The following URB1 variants were observed in gnomAD, a reference collection of about 807,000 sequenced individuals.
The protein encoded by URB1 is nucleolar pre-ribosomal-associated protein 1.
URB1 carries 197 observed loss-of-function variants against 242.3 expected under a neutral mutation model. The observed-to-expected ratio is 0.81, with a 90% confidence interval of 0.72 to 0.91. The LOEUF (loss-of-function observed/expected upper bound fraction) is 0.91. Among genes scored for constraint, URB1 ranks in the 40% least tolerant of loss-of-function variants. The probability of loss-of-function intolerance (pLI) is 0.00; values close to 1 mark genes in which losing one functional copy is unlikely to be tolerated. For synonymous variants in URB1, 1,153 were observed against 1,201.8 expected (o/e 0.96, Z 0.84); for missense variants, 2,721 against 2,860.5 (o/e 0.95, Z 1.11).
At chr21:32,374,101 T>C (rs372832315) in intron 6 of URB1, among the ~76,000 whole-genome samples, 75 of 152,348 alleles carry the variant, frequency 4.9e-4, no homozygotes, top group African/African-American at 1.7e-3. Context: ...TTCCACGTCA[T>C]TAAACATCCC....
intron 1 of URB1, among the ~76,000 whole-genome samples, chr21:32,388,238 A>G (rs1017851831): frequency 1.3e-5 from 2 of 152,148 alleles, no homozygotes; most frequent in African/African-American, 4.8e-5. Context: ...TGGGTACCTC[A>G]CCTGTATAAC....
At chr21:32,323,495 G>A (rs1235035434) in intron 32 of URB1, among the ~76,000 whole-genome samples, 2 of 152,202 alleles carry the variant, frequency 1.3e-5, no homozygotes, top group African/African-American at 4.8e-5. Context: ...CCCCATTCCT[G>A]TAACAAAAAG....
chr21:32,378,413 G>C, intron 5 of URB1, 32 bp downstream of exon 5: 1 of 1,535,910 alleles, frequency 6.5e-7, no homozygotes, highest in African/African-American at 1.4e-5. Flanking sequence ...AAAACAAATG[G>C]GCTTTCCTAA....
chr21:32,384,486 G>C (rs141419971), intron 2 of URB1, 22 bp from the exon 3 acceptor site: 2 of 1,545,300 alleles, frequency 1.3e-6, no homozygotes, highest in Non-Finnish European at 8.8e-7. Context: ...GAATTGAAAC[G>C]CTTAGAAATC....
At chr21:32,375,903 G>A (rs1349922196) in intron 5 of URB1, among the ~76,000 whole-genome samples, 1 of 152,088 alleles carries the variant, frequency 6.6e-6, no homozygotes, top group Non-Finnish European at 1.5e-5. Flanking sequence ...GTTGCAGTAA[G>A]CCATGATCGC....
At chr21:32,324,672 G>T in intron 31 of URB1, 70 bp from the exon 32 acceptor site, 1 of 1,222,542 alleles carries the variant, frequency 8.2e-7, no homozygotes, top group Non-Finnish European at 1.2e-6. Context: ...CCTCTCTGGT[G>T]CAGCCGAACC....
At chr21:32,337,541 T>C (rs888785394) in intron 26 of URB1, 27 bp from the exon 27 acceptor site, 4 of 1,538,238 alleles carry the variant, frequency 2.6e-6, no homozygotes, top group East Asian at 2.4e-5. Flanking sequence ...CTGAAACACA[T>C]GGCATGGTGG....
At chr21:32,350,435 G>A (rs761903206) in intron 20 of URB1, among the ~76,000 whole-genome samples, 67 of 152,190 alleles carry the variant, frequency 4.4e-4, no homozygotes, top group Non-Finnish European at 7.2e-4. Flanking sequence ...ACAAAGGCCC[G>A]GCAGGGCTGC....
intron 18 of URB1, 90 bp downstream of exon 18, chr21:32,353,843 T>C (rs1185317897): frequency 1.2e-5 from 17 of 1,422,974 alleles, no homozygotes; most frequent in South Asian, 1.5e-5. Flanking sequence ...TTCTCAGCAA[T>C]TGATCCCAGA....
intron 22 of URB1, among the ~76,000 whole-genome samples, chr21:32,345,823 C>A (rs1209849620): frequency 1.3e-5 from 2 of 152,140 alleles, no homozygotes; most frequent in Non-Finnish European, 2.9e-5. Context: ...ACACAGGGGG[C>A]CCTGGCTATA....
rs1404113111 is a variant in URB1, at chr21:32,385,631, C to T, written c.196G>A (p.Asp66Asn). ...AKKLPREDVY[D>N]VVEGYIKISV... ...ATCTTTATATACCCTTCCACAACAT[C>T]ATACACATCTTCTCGTGGTAGCTTC... is the stretch of plus-strand genomic sequence containing the variant. Residue 66 changes from aspartate to asparagine, a missense_variant, in exon 2 of 39, where the codon GAT becomes AAT. Physicochemically the swap from Asp to Asn is conservative, Grantham distance 23. Transcript: ENST00000382751. 6.4e-7 allele frequency: 1 copy of T among 1,551,790 alleles called. No homozygotes were observed. The highest frequency in any genetic ancestry group is 1.4e-5 in the African/African-American group (1 of 73,138).
chr21:32,369,951 G>A (rs1412630458), intron 8 of URB1, among the ~76,000 whole-genome samples: 2 of 123,894 alleles, frequency 1.6e-5, no homozygotes, highest in Admixed American at 2.1e-4. Context: ...CTTCCATCCT[G>A]AACAACAGAG....
At chr21:32,359,279 G>A (rs888909185) in intron 14 of URB1, among the ~76,000 whole-genome samples, 17 of 151,990 alleles carry the variant, frequency 1.1e-4, no homozygotes, top group Non-Finnish European at 2.2e-4. Context: ...ATAAATATAT[G>A]TGGCATCCTG....
rs901189012 is a variant in URB1 at position 32,338,912 on chromosome 21, G to C, written c.4317-12C>G. Reference sequence around the variant, plus strand: ...CCTGGTACCGAAATCTAGGCGGCGAGAGTCAAAGGGAAAAGAGCTTTGCTA... The same window carrying C: ...CCTGGTACCGAAATCTAGGCGGCGACAGTCAAAGGGAAAAGAGCTTTGCTA... On this transcript the variant is annotated splice_polypyrimidine_tract_variant and intron_variant, in intron 25 of 38. Coordinates refer to ENST00000382751, the MANE Select transcript of URB1 (RefSeq NM_014825.3). 2.6e-6 allele frequency: 4 copies of C among 1,521,618 alleles called. No homozygotes were observed. The highest frequency in any genetic ancestry group is 3.5e-6 in the Non-Finnish European group (4 of 1,127,816). The allele number at this position is 1,521,618 out of a possible 1,614,324, so 94.3% of individuals were successfully genotyped here. A position where few individuals can be genotyped will look rare whatever the true frequency, so the allele number is the denominator to read the frequency against.
In URB1 at chr21:32,372,255, T is replaced by G. The variant is rs369263698; in HGVS notation, c.1001+252A>C. Among the ~76,000 whole-genome samples the G allele has an allele frequency of 9.8e-5, 15 of 152,324 alleles. No individual in the cohort carries two copies. In the East Asian group the frequency reaches 2.3e-3, roughly 24 times the overall value. Reference sequence around the variant, plus strand: ...GACGAACACTGTCTTTAGGTAAACATCCGCAGCACCTCCCTGGGTGAAATA... The same window carrying G: ...GACGAACACTGTCTTTAGGTAAACAGCCGCAGCACCTCCCTGGGTGAAATA... On this transcript the variant is annotated intron_variant, in intron 8 of 38. Coordinates refer to ENST00000382751, the MANE Select transcript of URB1 (RefSeq NM_014825.3).
chr21:32,357,844 A>T (rs558714047), intron 14 of URB1, among the ~76,000 whole-genome samples, 188 bp from the exon 15 acceptor site: 1 of 152,198 alleles, frequency 6.6e-6, no homozygotes, highest in Non-Finnish European at 1.5e-5. Context: ...CCTGGCCAAC[A>T]TGGCGAAACC....
Position 32,312,018 on chromosome 21 carries a change from G to A in URB1, c.*2900C>T. Reference sequence around the variant, plus strand: ...CTGATGTCAGTAAATCGTGGCCATAGCTGAGTGAACTGGTGAAATCAAGCC... The same window carrying A: ...CTGATGTCAGTAAATCGTGGCCATAACTGAGTGAACTGGTGAAATCAAGCC... On this transcript the variant is annotated 3_prime_UTR_variant, in exon 39 of 39. Transcript: ENST00000382751. 1 of 1,612,640 alleles carries A rather than the reference G, an allele frequency of 6.2e-7. No individual in the cohort carries two copies. Among genetic ancestry groups the A allele is most frequent in the Non-Finnish European group, 8.5e-7 (1 of 1,180,020 alleles).
rs569557125 is a variant in URB1, at chr21:32,313,387, C to T, written c.*1531G>A. ...AGATTAAGGGGAACCAGGAAGAGAACGCTTTGTTGGAGCAGCGCTTGCCTG... is the reference window on the plus strand; with the variant it reads ...AGATTAAGGGGAACCAGGAAGAGAATGCTTTGTTGGAGCAGCGCTTGCCTG... On this transcript the variant is annotated 3_prime_UTR_variant, in exon 39 of 39. Transcript: ENST00000382751. 5 of 152,344 alleles carry T rather than the reference C, an allele frequency of 3.3e-5. No individual in the cohort carries two copies. In the East Asian group the frequency reaches 5.8e-4, roughly 18 times the overall value. The allele number at this position is 152,344 out of a possible 1,614,324, so 9.4% of individuals were successfully genotyped here.
rs1448701246 is a variant in URB1, at chr21:32,312,717, A to C, written c.*2201T>G. Reference sequence around the variant, plus strand: ...GGACCCTTGAAAGATCTAGTCCTCTAGTGCCCAGCAGCCTTGTCCCTGGAG... The same window carrying C: ...GGACCCTTGAAAGATCTAGTCCTCTCGTGCCCAGCAGCCTTGTCCCTGGAG... On this transcript the variant is annotated 3_prime_UTR_variant, in exon 39 of 39. Transcript: ENST00000382751. 1 of 154,224 alleles carries C rather than the reference A, an allele frequency of 6.5e-6. No homozygotes were observed. Among genetic ancestry groups the C allele is most frequent in the African/African-American group, 2.4e-5 (1 of 41,452 alleles). 9.6% of individuals were successfully genotyped at this position (154,224 alleles called of 1,614,324 possible). A position where few individuals can be genotyped will look rare whatever the true frequency, so the allele number is the denominator to read the frequency against.
Sources: gnomAD v4.1 joint callset for allele counts (sites outside exome capture counted in the v4.1 genomes callset) on GRCh38, gnomAD v4.1.1 for gene constraint, MANE v1.5 for transcripts, NCBI Gene and HGNC (gene_info 2026-07-23, HGNC 2026-07-21) for gene names.